Variants in ADARB1 observed in about 807,000 individuals in gnomAD.
ADARB1 encodes the protein adenosine deaminase RNA specific B1, also known as double-stranded RNA-specific editase 1.
ADARB1 carries 10 observed loss-of-function variants against 52.4 expected under a neutral mutation model. The observed-to-expected ratio is 0.19, with a 90% confidence interval of 0.12 to 0.32. ADARB1 has a LOEUF of 0.32. ADARB1 is among the 10% of genes least tolerant of loss of function. The pLI is 1.00. For missense variants in ADARB1, 643 were observed against 922.3 expected, an observed-to-expected ratio of 0.70 and a Z score of 3.92; for synonymous variants, 349 against 371.1, an observed-to-expected ratio of 0.94 and a Z score of 0.68.
At chr21:45,216,339 T>TC (rs1456202293) in intron 9 of ADARB1, among the ~76,000 whole-genome samples, 1 of 152,128 alleles carries the variant, frequency 6.6e-6, no homozygotes, top group Non-Finnish European at 1.5e-5. Flanking sequence ...TTCTTTTTTT[T>TC]CCGCTTACCT....
At chr21:45,217,105 CATATATTTAT>C (rs1316296394) in intron 9 of ADARB1, among the ~76,000 whole-genome samples, 8 of 151,978 alleles carry the variant, frequency 5.3e-5, no homozygotes, top group South Asian at 4.1e-4. Flanking sequence ...TTCTTATAGA[CATATATTTAT>C]ATATATTTAT....
chr21:45,220,698 C>T lies in ADARB1; in HGVS notation c.1748-138C>T, dbSNP rs1037699655. On this transcript the variant is annotated intron_variant, in intron 9 of 10. Transcript: ENST00000348831. The surrounding 1 kb of genome is among the most constrained non-coding windows in gnomAD (Gnocchi z 6.3). ...CACGGCAGATGCACGCTCAAGTCTG[C>T]GTATATTCCTCGGCAGGCAGAATTC... The T allele has an allele frequency of 1.0e-5, 9 of 872,242 alleles. No individual in the cohort carries two copies. The highest frequency in any genetic ancestry group is 1.6e-5 in the South Asian group (1 of 62,186). The allele number at this position is 872,242 out of a possible 1,614,324, so 54.0% of individuals were successfully genotyped here. A position where few individuals can be genotyped will look rare whatever the true frequency, so the allele number is the denominator to read the frequency against.
intron 9 of ADARB1, among the ~76,000 whole-genome samples, chr21:45,210,545 C>T (rs994145850): frequency 4.6e-5 from 7 of 152,216 alleles, no homozygotes; most frequent in African/African-American, 1.2e-4. Context: ...GGCCATCTCC[C>T]GGGCATGCAT....
intron 9 of ADARB1, among the ~76,000 whole-genome samples, chr21:45,217,088 AAT>A (rs1423186988): frequency 5.9e-5 from 9 of 151,920 alleles, no homozygotes; most frequent in South Asian, 2.1e-4. Context: ...TTATCTTAAA[AAT>A]ATGTTTCTTA....
In ADARB1 at chr21:45,200,153, G is replaced by T. The variant is rs928992737; in HGVS notation, c.1566-4402G>T. The stretch of plus-strand genomic sequence containing the variant: ...TTGGAGGGCCAGGTGGATGGGGCTG[G>T]GTGAGGCTGAACTGTTCCCCTTACA... On this transcript the variant is annotated intron_variant, in intron 8 of 10. Coordinates refer to ENST00000348831, the MANE Select transcript of ADARB1 (RefSeq NM_001112.4). The surrounding 1 kb of genome is among the most constrained non-coding windows in gnomAD (Gnocchi z 5.0). Among the ~76,000 whole-genome samples the T allele has an allele frequency of 6.6e-6, 1 of 152,182 alleles. No homozygotes were observed. The highest frequency in any genetic ancestry group is 1.5e-5 in the Non-Finnish European group (1 of 68,040).
At chr21:45,084,056 A>G (rs780856182) in intron 1 of ADARB1, among the ~76,000 whole-genome samples, 2 of 152,202 alleles carry the variant, frequency 1.3e-5, no homozygotes, top group Non-Finnish European at 2.9e-5. Flanking sequence ...AAAGTGTCCC[A>G]GAATTTGGGA....
At chr21:45,151,574 A>T (rs977789615) in intron 2 of ADARB1, among the ~76,000 whole-genome samples, 1 of 152,094 alleles carries the variant, frequency 6.6e-6, no homozygotes. Context: ...AAGACAGCCT[A>T]ATCTTCAGGG....
At chr21:45,196,004 C>T (rs923354524) in intron 8 of ADARB1, among the ~76,000 whole-genome samples, 9 of 152,186 alleles carry the variant, frequency 5.9e-5, no homozygotes, top group African/African-American at 1.7e-4. Context: ...ACAGAACCAA[C>T]GCTGAGTCTT....
At chr21:45,166,340 T>C (rs192380455) in intron 2 of ADARB1, among the ~76,000 whole-genome samples, 201 of 152,326 alleles carry the variant, frequency 1.3e-3, no homozygotes, top group African/African-American at 4.6e-3. Flanking sequence ...AGCGAGCTCA[T>C]GAAGAAATGA....
chr21:45,121,166 G>C (rs553136732), intron 1 of ADARB1, among the ~76,000 whole-genome samples: 1 of 152,034 alleles, frequency 6.6e-6, no homozygotes, highest in Non-Finnish European at 1.5e-5. Flanking sequence ...TTGTTCGCTG[G>C]AACGGTATGT....
At chr21:45,099,215 G>A (rs1250883500) in intron 1 of ADARB1, among the ~76,000 whole-genome samples, 1 of 152,140 alleles carries the variant, frequency 6.6e-6, no homozygotes, top group Non-Finnish European at 1.5e-5. Flanking sequence ...AGGGGGTGGT[G>A]GTAGGGCTGG....
At chr21:45,124,125 A>T (rs76439144) in intron 1 of ADARB1, among the ~76,000 whole-genome samples, 1 of 152,178 alleles carries the variant, frequency 6.6e-6, no homozygotes, top group African/African-American at 2.4e-5. Flanking sequence ...ATTCATCTTA[A>T]TCATGTTTGA....
Position 45,208,719 on chromosome 21 carries a change from TGAGA to T in ADARB1, c.1747+3991_1747+3994del, listed in dbSNP as rs568052930. Among the ~76,000 whole-genome samples the T allele has an allele frequency of 3.0e-4, 45 of 151,894 alleles. No individual in the cohort carries two copies. The highest frequency in any genetic ancestry group is 1.9e-3 in the Admixed American group (29 of 15,266). On this transcript the variant is annotated intron_variant, in intron 9 of 10. Transcript: ENST00000348831. The surrounding 1 kb of genome is among the most constrained non-coding windows in gnomAD (Gnocchi z 5.6). ...GTGTGTGCACGCTCACATGAGTGTATGAGAGAGAGAGTGTGTGTGTGTGTGTATG... is the reference window on the plus strand; with the variant it reads ...GTGTGTGCACGCTCACATGAGTGTATGAGAGAGTGTGTGTGTGTGTGTATG...
intron 2 of ADARB1, among the ~76,000 whole-genome samples, chr21:45,165,130 G>T (rs1277649106): frequency 2.0e-5 from 3 of 152,118 alleles, no homozygotes; most frequent in Admixed American, 6.5e-5. Context: ...GTCTACTACT[G>T]TCTGTGCGAC....
At chr21:45,213,091 A>G (rs1569178111) in intron 9 of ADARB1, among the ~76,000 whole-genome samples, 1 of 152,194 alleles carries the variant, frequency 6.6e-6, no homozygotes, top group East Asian at 1.9e-4. Context: ...TAAGTCTCAG[A>G]TAACTTGGAA....
At chr21:45,116,299 AG>A (rs1226439040) in intron 1 of ADARB1, among the ~76,000 whole-genome samples, 1 of 152,264 alleles carries the variant, frequency 6.6e-6, no homozygotes, top group Non-Finnish European at 1.5e-5. Flanking sequence ...GCTGCGCAGC[AG>A]CACCCCTGCG....
intron 2 of ADARB1, among the ~76,000 whole-genome samples, chr21:45,135,890 TG>T: frequency 6.6e-6 from 1 of 152,150 alleles, no homozygotes; most frequent in Admixed American, 6.5e-5. Flanking sequence ...TCCTCTGTGA[TG>T]GGGGTGGGTG....
Position 45,191,098 on chromosome 21 carries a change from G to A in ADARB1, c.1565+6007G>A, listed in dbSNP as rs1387748946. ...CTCAGGGTCTCTATGGGGGAAAGAG[G>A]GCCTGTAGCTTCCTAGACTGCCATC... On this transcript the variant is annotated intron_variant, in intron 8 of 10. Coordinates refer to ENST00000348831, the MANE Select transcript of ADARB1 (RefSeq NM_001112.4). 2.0e-5 allele frequency among the ~76,000 whole-genome samples: 3 copies of A among 152,192 alleles called. No individual in the cohort carries two copies. The South Asian group carries it at 6.2e-4, about 32-fold the overall frequency.
intron 9 of ADARB1, among the ~76,000 whole-genome samples, chr21:45,212,594 C>T (rs548502186): frequency 2.0e-5 from 3 of 152,196 alleles, no homozygotes; most frequent in South Asian, 2.1e-4. Context: ...GTGGTTAGGG[C>T]ACACCTGACC....
Sources: gnomAD v4.1 joint callset for allele counts (sites outside exome capture counted in the v4.1 genomes callset) on GRCh38, gnomAD v4.1.1 for gene constraint, Gnocchi (gnomAD v3.1) non-coding constraint, MANE v1.5 for transcripts, NCBI Gene and HGNC (gene_info 2026-07-23, HGNC 2026-07-21) for gene names.